The following PRTG variants were observed in gnomAD, a reference collection of about 807,000 sequenced individuals.
The protein encoded by PRTG is protogenin, also known as immunoglobulin superfamily, DCC subclass, member 5.
PRTG carries 67 observed loss-of-function variants against 122.5 expected under a neutral mutation model. The ratio of observed to expected loss-of-function variants is 0.55; its 90% CI spans 0.45 to 0.67. The LOEUF (loss-of-function observed/expected upper bound fraction) is 0.67. Ranked by LOEUF, PRTG falls within the 30% of genes least tolerant of loss-of-function variation. The pLI, the probability that PRTG is intolerant of heterozygous loss-of-function variation, is 0.00. For missense variants in PRTG, 1,435 were observed against 1,415.4 expected, an observed-to-expected ratio of 1.01 and a Z score of -0.22; for synonymous variants, 554 against 501.1, an observed-to-expected ratio of 1.11 and a Z score of -1.41.
chr15:55,729,331 A>G lies in PRTG; in HGVS notation c.397+11051T>C, dbSNP rs192296641. On this transcript the variant is annotated intron_variant, in intron 2 of 19. Transcript: ENST00000389286. ...CACATATAGGCACATCCACTGAGAC[A>G]AGAAGTAAATTCGTGGCTGCTAGAG... Among the ~76,000 whole-genome samples, 586 of 152,310 alleles carry G rather than the reference A, an allele frequency of 3.8e-3. 1 individual carries two copies. The highest frequency in any genetic ancestry group is 6.5e-3 in the Non-Finnish European group (444 of 68,026).
chr15:55,725,063 T>C (rs2030975400), intron 2 of PRTG, among the ~76,000 whole-genome samples: 1 of 152,216 alleles, frequency 6.6e-6, no homozygotes, highest in Non-Finnish European at 1.5e-5. Flanking sequence ...CACTTTTTAT[T>C]GCCTACATAA....
rs950182500 is a variant in PRTG at position 55,620,737 on chromosome 15, C to G, written c.3124G>C (p.Gly1042Arg). ...GGTDLIINSY[G>R]PIIKNNSKKK... is the part of the protein sequence containing the mutation. ...TTAGAGTTGTTTTTAATTATAGGAC[C>G]ATAGCTATTAATTATCAGGTCAGTT... The change falls in exon 19 of 20, where the codon GGT (glycine) becomes CGT (arginine). Residue 1042 changes from glycine (G) to arginine (R), a missense_variant. Transcript: ENST00000389286. The G allele has an allele frequency of 8.1e-6, 13 of 1,597,868 alleles. No homozygotes were observed. Among genetic ancestry groups the G allele is most frequent in the Admixed American group, 3.6e-5 (2 of 54,952 alleles).
chr15:55,721,019 G>C (rs1595676158), intron 2 of PRTG, among the ~76,000 whole-genome samples: 1 of 151,900 alleles, frequency 6.6e-6, no homozygotes, highest in East Asian at 1.9e-4. Context: ...TCATTACCTT[G>C]TTCCCTACAT....
chr15:55,709,846 G>C (rs1300700902), intron 2 of PRTG, among the ~76,000 whole-genome samples: 40 of 152,292 alleles, frequency 2.6e-4, no homozygotes, highest in African/African-American at 8.9e-4. Context: ...TGGTTGCCTG[G>C]CGATGGGGAG....
Position 55,619,568 on chromosome 15 carries a change from C to G in PRTG, c.*444G>C, listed in dbSNP as rs1235554232. On this transcript the variant is annotated 3_prime_UTR_variant, in exon 20 of 20. Transcript: ENST00000389286. ...ACAACAAATGAGGTAACAAAGTTGT[C>G]TTCAGAGTTTGCCGGGAGGCAAACT... 1 of 171,868 alleles carries G rather than the reference C, an allele frequency of 5.8e-6. No homozygotes were observed. Among genetic ancestry groups the G allele is most frequent in the African/African-American group, 2.4e-5 (1 of 41,570 alleles). The allele number at this position is 171,868 out of a possible 1,614,324, so 10.6% of individuals were successfully genotyped here. A position where few individuals can be genotyped will look rare whatever the true frequency, so the allele number is the denominator to read the frequency against.
Position 55,673,531 on chromosome 15 carries a change from G to T in PRTG, c.1692C>A (p.Ile564=). Residue 564 remains isoleucine (I), a synonymous_variant, in exon 10 of 20, where the codon ATC becomes ATA. Coordinates refer to ENST00000389286, the MANE Select transcript of PRTG (RefSeq NM_173814.6). ...LSFRLSTENS[I]QVLELPGTTH... is the part of the protein sequence containing the mutation. Reference sequence around the variant, plus strand: ...TGGTCCCCGGGAGCTCCAGAACTTGGATTGAATTCTCAGTACTTAGGCGGA... The same window carrying T: ...TGGTCCCCGGGAGCTCCAGAACTTGTATTGAATTCTCAGTACTTAGGCGGA... 1 of 1,614,082 alleles carries T rather than the reference G, an allele frequency of 6.2e-7. No individual in the cohort carries two copies. Among genetic ancestry groups the T allele is most frequent in the Non-Finnish European group, 8.5e-7 (1 of 1,180,028 alleles).
rs1403404431 is a variant in PRTG at position 55,614,423 on chromosome 15, T to C, written c.*5589A>G. The C allele has an allele frequency of 1.3e-5, 2 of 152,062 alleles. No individual in the cohort carries two copies. Among genetic ancestry groups the C allele is most frequent in the Non-Finnish European group, 2.9e-5 (2 of 67,962 alleles). 9.4% of individuals were successfully genotyped at this position (152,062 alleles called of 1,614,324 possible). On this transcript the variant is annotated 3_prime_UTR_variant, in exon 20 of 20. Coordinates refer to ENST00000389286, the MANE Select transcript of PRTG (RefSeq NM_173814.6). ...AGATTTAAAGGCAGAAAGTTGTGAA[T>C]GTTGTGAATATGTCATTAAAAGAAA...
chr15:55,690,014 A>G (rs1478456947), intron 2 of PRTG, among the ~76,000 whole-genome samples: 5 of 152,322 alleles, frequency 3.3e-5, no homozygotes, highest in Middle Eastern at 3.4e-3. Context: ...TAAACAACCA[A>G]TCTTAAATAG....
At chr15:55,697,459 A>G (rs2059637801) in intron 2 of PRTG, among the ~76,000 whole-genome samples, 1 of 152,204 alleles carries the variant, frequency 6.6e-6, no homozygotes, top group South Asian at 2.1e-4. Flanking sequence ...GAGTAACAGA[A>G]GGGATTTTGG....
intron 10 of PRTG, 23 bp from the exon 11 acceptor site, chr15:55,672,656 G>GT (rs1380591023): frequency 6.3e-7 from 1 of 1,583,368 alleles, no homozygotes; most frequent in Non-Finnish European, 8.6e-7. Context: ...ATCAGAAAAT[G>GT]TATGTATAAA....
intron 7 of PRTG, among the ~76,000 whole-genome samples, chr15:55,678,765 T>A (rs1202554337): frequency 6.6e-6 from 1 of 152,178 alleles, no homozygotes; most frequent in East Asian, 1.9e-4. Flanking sequence ...ACCATCTAAT[T>A]TACAGAATAT....
intron 17 of PRTG, among the ~76,000 whole-genome samples, chr15:55,626,803 T>TA (rs1378640009): frequency 2.6e-5 from 4 of 152,020 alleles, no homozygotes; most frequent in African/African-American, 9.7e-5. Flanking sequence ...AATATTGGCA[T>TA]AATGTTTTCA....
intron 11 of PRTG, among the ~76,000 whole-genome samples, chr15:55,643,784 C>T (rs2059305580): frequency 6.6e-6 from 1 of 152,088 alleles, no homozygotes; most frequent in Non-Finnish European, 1.5e-5. Context: ...CTTGTTATTT[C>T]CGTGACAAAG....
intron 5 of PRTG, 80 bp downstream of exon 5, chr15:55,680,411 A>G: frequency 7.0e-7 from 1 of 1,418,622 alleles, no homozygotes; most frequent in African/African-American, 1.5e-5. Context: ...TTTGTATATA[A>G]AATAAACATT....
rs928126620 is a variant in PRTG at position 55,616,565 on chromosome 15, A to T, written c.*3447T>A. 4 of 152,170 alleles carry T rather than the reference A, an allele frequency of 2.6e-5. No individual in the cohort carries two copies. The highest frequency in any genetic ancestry group is 5.9e-5 in the Non-Finnish European group (4 of 68,004). 9.4% of individuals were successfully genotyped at this position (152,170 alleles called of 1,614,324 possible). On this transcript the variant is annotated 3_prime_UTR_variant, in exon 20 of 20. Coordinates refer to ENST00000389286, the MANE Select transcript of PRTG (RefSeq NM_173814.6). ...GGCAAAAACATCATGTGGCTGAATCACAGATTAAATGGAAAGTCCTCATGC... is the reference window on the plus strand; with the variant it reads ...GGCAAAAACATCATGTGGCTGAATCTCAGATTAAATGGAAAGTCCTCATGC...
At chr15:55,672,737 G>C (rs547844542) in intron 10 of PRTG, 104 bp from the exon 11 acceptor site, 1 of 766,678 alleles carries the variant, frequency 1.3e-6, no homozygotes, top group Non-Finnish European at 1.9e-6. Context: ...TTACCAAAAG[G>C]TTCAATCCAA....
chr15:55,663,891 T>A (rs1595629857), intron 11 of PRTG, among the ~76,000 whole-genome samples: 2 of 152,198 alleles, frequency 1.3e-5, no homozygotes, highest in Non-Finnish European at 2.9e-5. Context: ...ATACAGAATG[T>A]AACCTTTTAA....
At chr15:55,694,265 G>A (rs898266503) in intron 2 of PRTG, among the ~76,000 whole-genome samples, 2 of 152,010 alleles carry the variant, frequency 1.3e-5, no homozygotes, top group Non-Finnish European at 2.9e-5. Flanking sequence ...GAAAATTAGT[G>A]TTCTTTTCAT....
chr15:55,678,392 G>A (rs1220836034), intron 7 of PRTG, among the ~76,000 whole-genome samples: 1 of 152,068 alleles, frequency 6.6e-6, no homozygotes, highest in Non-Finnish European at 1.5e-5. Flanking sequence ...CGGGACTCCA[G>A]GCATGTGTAG....
Sources: gnomAD v4.1 joint callset for allele counts (sites outside exome capture counted in the v4.1 genomes callset) on GRCh38, gnomAD v4.1.1 for gene constraint, MANE v1.5 for transcripts, NCBI Gene and HGNC (gene_info 2026-07-23, HGNC 2026-07-21) for gene names.